SLC45A4: variants seen among roughly 807,000 people sequenced by gnomAD.
The protein encoded by SLC45A4 is polyamine-transporter SLC45A4.
In SLC45A4, 32 loss-of-function variants were observed where a neutral mutation model predicts 63.7. That is an observed-to-expected ratio of 0.50 (90% CI 0.38 to 0.67). SLC45A4 has a LOEUF of 0.67. Among genes scored for constraint, SLC45A4 ranks in the 30% least tolerant of loss-of-function variants. The probability of loss-of-function intolerance (pLI) is 0.00; values close to 1 mark genes in which losing one functional copy is unlikely to be tolerated. For missense variants in SLC45A4, 1,027 were observed against 1,157.7 expected, an observed-to-expected ratio of 0.89 and a Z score of 1.64; for synonymous variants, 535 against 510.0, an observed-to-expected ratio of 1.05 and a Z score of -0.66.
intron 1 of SLC45A4, among the ~76,000 whole-genome samples, chr8:141,296,836 CAAA>C (rs34267017): frequency 3.9e-5 from 3 of 77,276 alleles, no homozygotes; most frequent in African/African-American, 6.1e-5. Context: ...ACTCCATTGC[CAAA>C]AAAAAAAAAA....
intron 1 of SLC45A4, among the ~76,000 whole-genome samples, chr8:141,284,197 C>T (rs1052029114): frequency 3.9e-5 from 6 of 152,216 alleles, no homozygotes; most frequent in East Asian, 1.9e-4. Context: ...AACTGTCCAC[C>T]GTCAAGTCAT....
chr8:141,218,157 G>A lies in SLC45A4; in HGVS notation c.1483C>T (p.Arg495Cys), dbSNP rs1826294674. 1 of 1,609,238 alleles carries A rather than the reference G, an allele frequency of 6.2e-7. No individual in the cohort carries two copies. Among genetic ancestry groups the A allele is most frequent in the South Asian group, 1.1e-5 (1 of 91,084 alleles). Residue 495 changes from arginine to cysteine, a missense_variant, in exon 5 of 9, where the codon CGC (arginine) becomes TGC (cysteine). Physicochemically the swap from Arg to Cys is radical, Grantham distance 180 (BLOSUM62 -3). Transcript: ENST00000517878. ...TTCAGCATGGAGAGCCACAGCAGGC[G>A]CACCGTGGTCTCGCCCTCCCCCTCC... Reference protein sequence around the residue: ...SEEGEGETTVRLLWLSMLKMP... With the variant: ...SEEGEGETTVCLLWLSMLKMP...
rs1033762012 is a variant in SLC45A4, at chr8:141,227,975, C to T, written c.242-6210G>A. On this transcript the variant is annotated intron_variant, in intron 2 of 8. Coordinates refer to ENST00000517878, the MANE Select transcript of SLC45A4 (RefSeq NM_001286646.2). This position sits in a 1 kb window ranked among gnomAD's most constrained non-coding sequence, Gnocchi z 4.4. ...TGAAGGGCCGGGGACAATAAGTTCC[C>T]GGGCTTTGGCCTTTTGTAGGAGAGG... 2.6e-4 allele frequency among the ~76,000 whole-genome samples: 39 copies of T among 152,242 alleles called. 1 individual carries two copies. The highest frequency in any genetic ancestry group is 2.5e-3 in the East Asian group (13 of 5,164).
chr8:141,247,820 C>T (rs948325005), intron 2 of SLC45A4, among the ~76,000 whole-genome samples: 1 of 152,184 alleles, frequency 6.6e-6, no homozygotes, highest in Non-Finnish European at 1.5e-5. Context: ...ATCAATGGAA[C>T]AGAATAGTGC....
At chr8:141,252,948 T>C in intron 2 of SLC45A4, among the ~76,000 whole-genome samples, 1 of 151,970 alleles carries the variant, frequency 6.6e-6, no homozygotes, top group Non-Finnish European at 1.5e-5. Context: ...AATTTCCGTG[T>C]TTTCACGCCC....
Position 141,211,388 on chromosome 8 carries a change from C to T in SLC45A4, c.*184G>A. 6.6e-7 allele frequency: 1 copy of T among 1,513,928 alleles called. No homozygotes were observed. The highest frequency in any genetic ancestry group is 8.8e-7 in the Non-Finnish European group (1 of 1,133,138). 93.8% of individuals were successfully genotyped at this position (1,513,928 alleles called of 1,614,324 possible). Reference sequence around the variant, plus strand: ...TCGTCTGGAGCTCACGCTCCGCCCCCAGGTGGTGCCCAGCCCATCCCTGGG... The same window carrying T: ...TCGTCTGGAGCTCACGCTCCGCCCCTAGGTGGTGCCCAGCCCATCCCTGGG... On this transcript the variant is annotated 3_prime_UTR_variant, in exon 9 of 9. Transcript: ENST00000517878.
At chr8:141,279,457 T>TA (rs1459955672) in intron 1 of SLC45A4, among the ~76,000 whole-genome samples, 4 of 152,260 alleles carry the variant, frequency 2.6e-5, no homozygotes, top group Non-Finnish European at 5.9e-5. Context: ...CCCCCATTCT[T>TA]ACGTCTGTCA....
intron 2 of SLC45A4, among the ~76,000 whole-genome samples, chr8:141,245,217 A>T (rs1828129224): frequency 6.6e-6 from 1 of 152,232 alleles, no homozygotes; most frequent in African/African-American, 2.4e-5. Flanking sequence ...AGATGCTGGT[A>T]TCTGCTGAGA....
intron 7 of SLC45A4, among the ~76,000 whole-genome samples, 161 bp from the exon 8 acceptor site, chr8:141,212,717 CCTGTCCAGCA>C (rs1452503931): frequency 6.6e-6 from 1 of 152,206 alleles, no homozygotes; most frequent in African/African-American, 2.4e-5. Context: ...TCCCCCAGCT[CCTGTCCAGCA>C]CTGTACAGGC....
At chr8:141,223,476 G>A (rs1322201126) in intron 2 of SLC45A4, among the ~76,000 whole-genome samples, 1 of 152,198 alleles carries the variant, frequency 6.6e-6, no homozygotes, top group East Asian at 1.9e-4. Context: ...AATGGGAAGC[G>A]GTCATTACTC....
At chr8:141,230,980 G>C (rs1014662780) in intron 2 of SLC45A4, among the ~76,000 whole-genome samples, 1 of 151,900 alleles carries the variant, frequency 6.6e-6, no homozygotes, top group East Asian at 2.0e-4. Context: ...CGGCAACAGC[G>C]TGTGACACCC....
intron 2 of SLC45A4, among the ~76,000 whole-genome samples, chr8:141,245,200 A>G (rs1314818247): frequency 1.3e-5 from 2 of 152,196 alleles, no homozygotes; most frequent in Non-Finnish European, 2.9e-5. Flanking sequence ...CGTTTCCAGA[A>G]GAAAGGAGAT....
chr8:141,223,782 C>T (rs940995595), intron 2 of SLC45A4, among the ~76,000 whole-genome samples: 3 of 152,226 alleles, frequency 2.0e-5, no homozygotes, highest in Admixed American at 2.0e-4. Flanking sequence ...CACATGCACT[C>T]ACGAGAGACC....
At chr8:141,226,447 C>T (rs1826996591) in intron 2 of SLC45A4, 2 of 152,442 alleles carry the variant, frequency 1.3e-5, no homozygotes, top group East Asian at 1.9e-4. Flanking sequence ...AGCATCTACA[C>T]CCAACGACAG....
At position 141,252,445 on chromosome 8, in the gene SLC45A4, C is replaced by CCGTGTTTT. The variant is rs1327508331; in HGVS notation, c.241+1543_241+1544insAAAACACG. On this transcript the variant is annotated intron_variant, in intron 2 of 8. Coordinates refer to ENST00000517878, the MANE Select transcript of SLC45A4 (RefSeq NM_001286646.2). ...CGCCCACCTGCGTGTCTGTGAATTT[C>CCGTGTTTT]CATGTTTTCACGCCCACCTGTGCGT... 82 of 152,006 alleles carry CCGTGTTTT rather than the reference C, an allele frequency of 5.4e-4. 3 individuals are homozygous for CCGTGTTTT. Among genetic ancestry groups the CCGTGTTTT allele is most frequent in the Middle Eastern group, 3.4e-3 (1 of 294 alleles). The allele number at this position is 152,006 out of a possible 1,614,324, so 9.4% of individuals were successfully genotyped here.
At chr8:141,270,348 G>A (rs1054441887) in intron 1 of SLC45A4, among the ~76,000 whole-genome samples, 2 of 148,810 alleles carry the variant, frequency 1.3e-5, no homozygotes, top group Non-Finnish European at 3.0e-5. Flanking sequence ...GCGACACAGC[G>A]AGACCCCATC....
chr8:141,213,918 T>C (rs1222501595), intron 7 of SLC45A4, among the ~76,000 whole-genome samples: 1 of 152,194 alleles, frequency 6.6e-6, no homozygotes, highest in African/African-American at 2.4e-5. Flanking sequence ...TAAAGCATCA[T>C]ACTCTGGGCT....
intron 2 of SLC45A4, among the ~76,000 whole-genome samples, chr8:141,240,773 G>A (rs1817099710): frequency 6.6e-6 from 1 of 152,170 alleles, no homozygotes; most frequent in Non-Finnish European, 1.5e-5. Flanking sequence ...ATGAGAAACC[G>A]GCTGCCCGAC....
chr8:141,292,821 T>C (rs1236754306), intron 1 of SLC45A4: 1 of 152,254 alleles, frequency 6.6e-6, no homozygotes, highest in Non-Finnish European at 1.5e-5. Flanking sequence ...CCACACCCTA[T>C]CAACGCTGAT....
Sources: allele counts gnomAD v4.1 joint callset (sites outside exome capture counted in the v4.1 genomes callset), GRCh38; gene constraint gnomAD v4.1.1; non-coding constraint Gnocchi (gnomAD v3.1); transcripts MANE v1.5; gene names NCBI Gene and HGNC (gene_info 2026-07-23, HGNC 2026-07-21).